Variants in ERBB4 observed in about 807,000 individuals in gnomAD.
ERBB4 encodes the protein receptor tyrosine-protein kinase erbB-4.
Under a neutral mutation model 158.0 loss-of-function variants are expected in ERBB4, and 42 were observed. That is an observed-to-expected ratio of 0.27 (90% CI 0.21 to 0.34). The LOEUF is 0.34. Ranked by LOEUF, ERBB4 falls within the 10% of genes least tolerant of loss-of-function variation. The probability of loss-of-function intolerance (pLI) is 1.00; values close to 1 mark genes in which losing one functional copy is unlikely to be tolerated. For missense variants in ERBB4, 1,333 were observed against 1,624.1 expected, an observed-to-expected ratio of 0.82 and a Z score of 3.08; for synonymous variants, 583 against 558.7, an observed-to-expected ratio of 1.04 and a Z score of -0.61.
chr2:211,505,699 G>A (rs976556061), intron 20 of ERBB4, among the ~76,000 whole-genome samples: 1 of 152,208 alleles, frequency 6.6e-6, no homozygotes, highest in East Asian at 1.9e-4. Context: ...GGTGGCTCAC[G>A]CCTGTAATCC....
At chr2:211,435,243 T>C (rs17803087) in intron 20 of ERBB4, among the ~76,000 whole-genome samples, 2,781 of 152,324 alleles carry the variant, frequency 0.018, 25 homozygotes, top group South Asian at 0.032. Context: ...CTCTGTGCTC[T>C]AGCAGTTCCC....
At chr2:212,370,083 T>A (rs1261632716) in intron 1 of ERBB4, among the ~76,000 whole-genome samples, 1 of 152,118 alleles carries the variant, frequency 6.6e-6, no homozygotes, top group Non-Finnish European at 1.5e-5. Flanking sequence ...CACCTTGAAT[T>A]GCAATAATCC....
At chr2:211,809,481 G>T (rs2076698780) in intron 3 of ERBB4, among the ~76,000 whole-genome samples, 1 of 152,160 alleles carries the variant, frequency 6.6e-6, no homozygotes, top group Non-Finnish European at 1.5e-5. Context: ...TTGCATAGAG[G>T]TGTTTATAGT....
intron 2 of ERBB4, among the ~76,000 whole-genome samples, chr2:211,992,034 C>A (rs565578172): frequency 6.6e-6 from 1 of 152,050 alleles, no homozygotes; most frequent in South Asian, 2.1e-4. Context: ...ATTTTCCTGT[C>A]GTCTTCTGAA....
chr2:211,447,204 A>G lies in ERBB4; in HGVS notation c.2488-16104T>C, dbSNP rs72949665. 6.9e-3 allele frequency among the ~76,000 whole-genome samples: 1,049 copies of G among 151,664 alleles called. 6 individuals carry two copies. Among genetic ancestry groups the G allele is most frequent in the Non-Finnish European group, 0.01 (710 of 67,858 alleles). On this transcript the variant is annotated intron_variant, in intron 20 of 27. Transcript: ENST00000342788. The stretch of plus-strand genomic sequence containing the variant: ...CCTTTATATGACTTTACAGTATTCA[A>G]TTTCATTTTAAAAACATCTAATGCA...
chr2:212,469,975 C>T (rs13389646), intron 1 of ERBB4, among the ~76,000 whole-genome samples: 6,100 of 152,102 alleles, frequency 0.04, 416 homozygotes, highest in African/African-American at 0.14. Flanking sequence ...TCAAACTGAA[C>T]TTTTCAAAAC....
intron 4 of ERBB4, among the ~76,000 whole-genome samples, chr2:211,781,646 T>G (rs1015540509): frequency 6.6e-6 from 1 of 152,206 alleles, no homozygotes; most frequent in Admixed American, 6.5e-5. Context: ...TAAAAATACT[T>G]CTGTCCTCAT....
rs72931603 is a variant in ERBB4 at position 211,828,756 on chromosome 2, A to G, written c.422-40597T>C. On this transcript the variant is annotated intron_variant, in intron 3 of 27. Coordinates refer to ENST00000342788, the MANE Select transcript of ERBB4 (RefSeq NM_005235.3). ...AGATTGGGAGTCCTTCCCACGGTCT[A>G]CATCTAGAGTCTGGACTTACTTCTC... 5.8e-3 allele frequency among the ~76,000 whole-genome samples: 878 copies of G among 152,194 alleles called. 5 individuals carry two copies. Among genetic ancestry groups the G allele is most frequent in the Non-Finnish European group, 0.01 (683 of 68,000 alleles).
At chr2:211,541,790 A>T (rs927114182) in intron 20 of ERBB4, among the ~76,000 whole-genome samples, 8 of 152,010 alleles carry the variant, frequency 5.3e-5, no homozygotes, top group Admixed American at 4.6e-4. Context: ...CTCCCTATGC[A>T]TGGGGCATCA....
intron 2 of ERBB4, among the ~76,000 whole-genome samples, chr2:211,998,747 T>C (rs2076031457): frequency 1.3e-5 from 2 of 151,874 alleles, no homozygotes; most frequent in South Asian, 4.1e-4. Context: ...ACTTGTGTAA[T>C]TTCTTTGAAA....
chr2:212,086,434 T>C (rs2078614340), intron 2 of ERBB4, among the ~76,000 whole-genome samples: 1 of 151,914 alleles, frequency 6.6e-6, no homozygotes, highest in Admixed American at 6.6e-5. Flanking sequence ...GCCTTATGCA[T>C]TACCGCCTCT....
chr2:212,044,034 A>C (rs1375804763), intron 2 of ERBB4, among the ~76,000 whole-genome samples: 1 of 152,102 alleles, frequency 6.6e-6, no homozygotes. Context: ...TTCTCATAAA[A>C]TATTTGATCT....
chr2:212,277,519 C>A (rs1187040259), intron 1 of ERBB4, among the ~76,000 whole-genome samples: 2 of 151,592 alleles, frequency 1.3e-5, no homozygotes, highest in Non-Finnish European at 3.0e-5. Context: ...GAGTCTGAAA[C>A]AGTTTAATCC....
chr2:212,007,958 G>A (rs2076295044), intron 2 of ERBB4, among the ~76,000 whole-genome samples: 1 of 151,842 alleles, frequency 6.6e-6, no homozygotes, highest in Non-Finnish European at 1.5e-5. Context: ...ATTGGCAAAG[G>A]GCCTTACATA....
At chr2:211,852,972 G>T (rs922208006) in intron 3 of ERBB4, among the ~76,000 whole-genome samples, 2 of 151,926 alleles carry the variant, frequency 1.3e-5, no homozygotes, top group Non-Finnish European at 2.9e-5. Context: ...AATTTTTCAT[G>T]TGACTGTTGT....
intron 2 of ERBB4, among the ~76,000 whole-genome samples, chr2:211,965,446 A>G (rs749627721): frequency 8.5e-5 from 13 of 152,174 alleles, no homozygotes; most frequent in Non-Finnish European, 1.5e-4. Context: ...TTTGCCTGAT[A>G]TAGTCACATT....
intron 20 of ERBB4, among the ~76,000 whole-genome samples, chr2:211,446,267 A>G (rs1344488528): frequency 6.6e-6 from 1 of 152,188 alleles, no homozygotes; most frequent in Non-Finnish European, 1.5e-5. Context: ...GGCACAATAT[A>G]AGATAAAAAC....
At chr2:211,906,792 G>C (rs971405295) in intron 3 of ERBB4, among the ~76,000 whole-genome samples, 1 of 151,574 alleles carries the variant, frequency 6.6e-6, no homozygotes, top group Non-Finnish European at 1.5e-5. Context: ...CTTATAAAGT[G>C]AGAACATGGG....
intron 3 of ERBB4, among the ~76,000 whole-genome samples, chr2:211,810,177 G>A (rs1433103009): frequency 6.6e-6 from 1 of 152,170 alleles, no homozygotes; most frequent in Non-Finnish European, 1.5e-5. Flanking sequence ...TTGATTTGGG[G>A]AAGCGAGTTC....
Sources: allele counts gnomAD v4.1 joint callset (sites outside exome capture counted in the v4.1 genomes callset), GRCh38; gene constraint gnomAD v4.1.1; transcripts MANE v1.5; gene names NCBI Gene and HGNC (gene_info 2026-07-23, HGNC 2026-07-21).